GYPB: variants seen among roughly 807,000 people sequenced by gnomAD.
GYPB encodes glycophorin B (MNS blood group).
In GYPB, 13 loss-of-function variants were observed where a neutral mutation model predicts 15.3. That is an observed-to-expected ratio of 0.85 (90% CI 0.55 to 1.35). The LOEUF (loss-of-function observed/expected upper bound fraction) is 1.35. Among genes scored for constraint, GYPB ranks in the 40% most tolerant of loss-of-function variants. GYPB has a pLI of 0.00. For synonymous variants in GYPB, 38 were observed against 36.9 expected, an observed-to-expected ratio of 1.03 and a Z score of -0.11; for missense variants, 131 against 108.3, an observed-to-expected ratio of 1.21 and a Z score of -0.93.
intron 1 of GYPB, among the ~76,000 whole-genome samples, chr4:144,002,893 T>C (rs1442476089): frequency 2.0e-5 from 3 of 151,358 alleles, no homozygotes; most frequent in Non-Finnish European, 1.5e-5. Flanking sequence ...CTGGCCTTGC[T>C]CTTTAACTTG....
Position 144,019,319 on chromosome 4 carries a change from T to C in GYPB, c.-32A>G. On this transcript the variant is annotated 5_prime_UTR_variant, in exon 1 of 5. Transcript: ENST00000502664. ...ATCATGAGCTGGTTCCTGAAGTTAG[T>C]GCAAAAAAACTACCAAAGACAACTG... The C allele has an allele frequency of 1.2e-6, 2 of 1,611,696 alleles. No homozygotes were observed. The highest frequency in any genetic ancestry group is 1.7e-6 in the Non-Finnish European group (2 of 1,179,386).
rs529108671 is a variant in GYPB, at chr4:144,019,055, T to C, written c.37+196A>G. Among the ~76,000 whole-genome samples the C allele has an allele frequency of 8.6e-5, 13 of 151,408 alleles. No individual in the cohort carries two copies. The South Asian group carries it at 2.7e-3, about 31-fold the overall frequency. The stretch of plus-strand genomic sequence containing the variant: ...CATACTAGAAAACTGGATTCGGCCA[T>C]AAATACTGGGCTCCCTTGTGTCATT... On this transcript the variant is annotated intron_variant, in intron 1 of 4. Transcript: ENST00000502664.
rs28558556 is a variant in GYPB at position 144,017,478 on chromosome 4, G to A, written c.37+1773C>T. Among the ~76,000 whole-genome samples, 375 of 151,246 alleles carry A rather than the reference G, an allele frequency of 2.5e-3. 16 individuals carry two copies. Among genetic ancestry groups the A allele is most frequent in the African/African-American group, 6.6e-3 (269 of 40,640 alleles). On this transcript the variant is annotated intron_variant, in intron 1 of 4. Transcript: ENST00000502664. ...CCACATCCAGAGAGTTTCCTTGGAG[G>A]GTTTCTGCTACGAAGATGATAACAG...
rs1175302544 is a variant in GYPB at position 143,996,256 on chromosome 4, C to T, written c.*43G>A. 1.9e-6 allele frequency: 3 copies of T among 1,550,478 alleles called. No individual in the cohort carries two copies. The highest frequency in any genetic ancestry group is 1.7e-6 in the Non-Finnish European group (2 of 1,146,880). Reference sequence around the variant, plus strand: ...TGCATAAACAAGAGAACAGCAGGTGCAGCCGGTTCTAGGCAAGATCAGGCA... The same window carrying T: ...TGCATAAACAAGAGAACAGCAGGTGTAGCCGGTTCTAGGCAAGATCAGGCA... On this transcript the variant is annotated 3_prime_UTR_variant, in exon 5 of 5. Coordinates refer to ENST00000502664, the MANE Select transcript of GYPB (RefSeq NM_002100.6).
downstream of GYPB, among the ~76,000 whole-genome samples, chr4:143,995,425 G>T (rs1727274021): frequency 6.6e-6 from 1 of 151,268 alleles, no homozygotes; most frequent in Admixed American, 6.6e-5. Context: ...CACTCCTTCT[G>T]ACTCCAAGGG....
At chr4:144,015,217 C>T (rs1360890110) in intron 1 of GYPB, among the ~76,000 whole-genome samples, 1 of 150,988 alleles carries the variant, frequency 6.6e-6, no homozygotes, top group African/African-American at 2.5e-5. Context: ...AGAAAGTATT[C>T]AAAATGAGAA....
rs1166189959 is a variant in GYPB at position 144,019,282 on chromosome 4, A to G, written c.6T>C (p.Tyr2=). The G allele has an allele frequency of 1.9e-6, 3 of 1,611,674 alleles. No individual in the cohort carries two copies. The highest frequency in any genetic ancestry group is 2.2e-5 in the East Asian group (1 of 44,818). Residue 2 remains tyrosine, a synonymous_variant, in exon 1 of 5, where the codon TAT becomes TAC. Transcript: ENST00000502664. M[Y]GKIIFVLLLS... ...ATAGTAATACAAAGATTATTTTTCCATACATCCTGAGATCATGAGCTGGTT... is the reference window on the plus strand; with the variant it reads ...ATAGTAATACAAAGATTATTTTTCCGTACATCCTGAGATCATGAGCTGGTT...
At chr4:143,997,362 CA>C in intron 4 of GYPB, 177 bp downstream of exon 4, 2 of 440,974 alleles carry the variant, frequency 4.5e-6, no homozygotes, top group South Asian at 4.8e-5. Context: ...TTTAATTGGG[CA>C]AATGCAAAAA....
intron 2 of GYPB, 95 bp downstream of exon 2, chr4:144,001,090 T>C: frequency 1.9e-6 from 3 of 1,598,332 alleles, no homozygotes; most frequent in Non-Finnish European, 2.6e-6. Flanking sequence ...TCTCAGTGTT[T>C]GTCAGTTTCT....
chr4:144,007,686 C>G (rs987412695), intron 1 of GYPB, among the ~76,000 whole-genome samples: 6 of 151,564 alleles, frequency 4.0e-5, no homozygotes, highest in Non-Finnish European at 1.5e-5. Context: ...CTATTCCTGG[C>G]TTTGCCATCA....
At chr4:144,012,574 A>G (rs369162091) in intron 1 of GYPB, 1 of 143,786 alleles carries the variant, frequency 7.0e-6, no homozygotes, top group Admixed American at 7.1e-5. Context: ...TGCAAAACTT[A>G]TAACCAAGTA....
intron 1 of GYPB, among the ~76,000 whole-genome samples, chr4:144,005,471 A>G (rs1316275974): frequency 2.6e-5 from 4 of 151,952 alleles, no homozygotes; most frequent in Non-Finnish European, 4.4e-5. Context: ...TGTGGTCTTC[A>G]TTTTGATGAT....
chr4:144,001,427 G>A (rs1411803552), intron 1 of GYPB, 144 bp from the exon 2 acceptor site: 33 of 1,453,910 alleles, frequency 2.3e-5, no homozygotes, highest in Non-Finnish European at 3.0e-5. Flanking sequence ...AATCTTTAGA[G>A]AATTGCTGCG....
intron 1 of GYPB, among the ~76,000 whole-genome samples, chr4:144,005,641 G>A (rs1301365074): frequency 1.3e-5 from 2 of 151,620 alleles, no homozygotes; most frequent in African/African-American, 4.9e-5. Flanking sequence ...AACACATCCA[G>A]TCTCTACCTG....
chr4:143,999,212 A>G (rs1342234204), intron 3 of GYPB, 199 bp downstream of exon 3: 1 of 472,760 alleles, frequency 2.1e-6, no homozygotes, highest in East Asian at 4.3e-5. Context: ...CCTGGCCCCC[A>G]AAATGTTTTT....
intron 1 of GYPB, among the ~76,000 whole-genome samples, chr4:144,016,492 C>T (rs1272970664): frequency 2.7e-5 from 4 of 150,376 alleles, no homozygotes; most frequent in African/African-American, 7.5e-5. Context: ...CTTGCTTATT[C>T]AACCAATATG....
chr4:144,011,803 T>C (rs1728234914), intron 1 of GYPB, among the ~76,000 whole-genome samples: 1 of 151,384 alleles, frequency 6.6e-6, no homozygotes, highest in Non-Finnish European at 1.5e-5. Flanking sequence ...ATTTCTGTAT[T>C]TCCTGATACA....
rs199937833 is a variant in GYPB, at chr4:144,001,256, G to C, written c.65C>G (p.Thr22Ser). Reference sequence around the variant, plus strand: ...TGAAGTGTGCATTGCCACCTCAGTGGTACTTAATGCTGATATGCTCACAAT... The same window carrying C: ...TGAAGTGTGCATTGCCACCTCAGTGCTACTTAATGCTGATATGCTCACAAT... ...SEIVSISALS[T>S]TEVAMHTSTS... Residue 22 changes from threonine to serine, a missense_variant, in exon 2 of 5, where the codon ACC becomes AGC. Transcript: ENST00000502664. 4,530 of 1,612,864 alleles carry C rather than the reference G, an allele frequency of 2.8e-3. 46 individuals are homozygous for C. Among genetic ancestry groups the C allele is most frequent in the Non-Finnish European group, 2.0e-3 (2,382 of 1,179,796 alleles).
rs190107956 is a variant in GYPB at position 144,008,656 on chromosome 4, C to T, written c.38-7373G>A. Among the ~76,000 whole-genome samples, 37 of 151,664 alleles carry T rather than the reference C, an allele frequency of 2.4e-4. 1 individual carries two copies. The highest frequency in any genetic ancestry group is 2.4e-3 in the Admixed American group (36 of 15,278). ...TTGGTATTTCTGTAGCTGAACTTCA[C>T]ACACATTAAATTTGGGCTTAAGGAA... On this transcript the variant is annotated intron_variant, in intron 1 of 4. Coordinates refer to ENST00000502664, the MANE Select transcript of GYPB (RefSeq NM_002100.6).
Sources: allele counts gnomAD v4.1 joint callset (sites outside exome capture counted in the v4.1 genomes callset), GRCh38; gene constraint gnomAD v4.1.1; transcripts MANE v1.5; gene names NCBI Gene and HGNC (gene_info 2026-07-23, HGNC 2026-07-21).